EYS: variants seen among roughly 807,000 people sequenced by gnomAD.
EYS encodes the protein protein eyes shut homolog.
In EYS, 250 loss-of-function variants were observed where a neutral mutation model predicts 282.1. The ratio of observed to expected loss-of-function variants is 0.89; its 90% CI spans 0.80 to 0.98. EYS has a LOEUF of 0.98. Ranked by LOEUF, EYS falls within the 50% of genes least tolerant of loss-of-function variation. EYS has a pLI of 0.00. For synonymous variants in EYS, 1,355 were observed against 1,282.9 expected (o/e 1.06, Z -1.20); for missense variants, 4,016 against 3,709.0 (o/e 1.08, Z -2.15).
chr6:63,970,427 T>A (rs774154592), intron 35 of EYS, among the ~76,000 whole-genome samples: 6 of 152,030 alleles, frequency 3.9e-5, no homozygotes, highest in Non-Finnish European at 8.8e-5. Flanking sequence ...CTAGGTCAGG[T>A]GATCGAGACC....
intron 28 of EYS, among the ~76,000 whole-genome samples, chr6:64,395,151 T>C (rs1307288735): frequency 6.6e-6 from 1 of 151,972 alleles, no homozygotes; most frequent in Non-Finnish European, 1.5e-5. Flanking sequence ...GGAGAGGATG[T>C]AGAGAAATAG....
At chr6:63,937,971 T>A (rs1192760913) in intron 35 of EYS, among the ~76,000 whole-genome samples, 2 of 152,224 alleles carry the variant, frequency 1.3e-5, no homozygotes, top group Non-Finnish European at 2.9e-5. Context: ...GTGCACTGAC[T>A]AGCTGATAAA....
intron 26 of EYS, among the ~76,000 whole-genome samples, chr6:64,540,221 T>G (rs538076896): frequency 1.3e-5 from 2 of 152,318 alleles, no homozygotes; most frequent in Non-Finnish European, 2.9e-5. Context: ...AGATTCCAGC[T>G]TCTGTCTTAC....
intron 40 of EYS, among the ~76,000 whole-genome samples, chr6:63,776,181 AG>A (rs1190462692): frequency 6.6e-6 from 1 of 152,162 alleles, no homozygotes; most frequent in African/African-American, 2.4e-5. Flanking sequence ...TTATAAAGAA[AG>A]GTATTTTCAA....
chr6:63,875,751 A>G (rs1772951441), intron 35 of EYS, among the ~76,000 whole-genome samples: 2 of 152,082 alleles, frequency 1.3e-5, no homozygotes, highest in Non-Finnish European at 2.9e-5. Context: ...TTTCTAGTTT[A>G]TTTGCATAGA....
intron 33 of EYS, among the ~76,000 whole-genome samples, chr6:64,031,634 G>A (rs1013544531): frequency 1.3e-5 from 2 of 152,174 alleles, no homozygotes; most frequent in Non-Finnish European, 2.9e-5. Context: ...CTAAGGGATT[G>A]TAAATGCACC....
At chr6:63,761,538 A>G (rs1305807775) in intron 41 of EYS, among the ~76,000 whole-genome samples, 1 of 152,092 alleles carries the variant, frequency 6.6e-6, no homozygotes, top group Admixed American at 6.6e-5. Flanking sequence ...TGATAAAGTG[A>G]TCTAGAAATA....
chr6:64,097,212 A>T (rs919236562), intron 31 of EYS, among the ~76,000 whole-genome samples: 2 of 152,134 alleles, frequency 1.3e-5, no homozygotes, highest in Non-Finnish European at 2.9e-5. Flanking sequence ...GACCCACTTG[A>T]GGAGGCAGTC....
intron 22 of EYS, among the ~76,000 whole-genome samples, chr6:64,732,606 G>A (rs1309029598): frequency 6.6e-6 from 1 of 152,088 alleles, no homozygotes; most frequent in East Asian, 1.9e-4. Flanking sequence ...TATACCTAGT[G>A]GCGTATAGTA....
intron 8 of EYS, among the ~76,000 whole-genome samples, chr6:65,356,342 G>A (rs1287600569): frequency 1.2e-4 from 18 of 152,034 alleles, no homozygotes; most frequent in African/African-American, 3.9e-4. Flanking sequence ...TCAAGGATAC[G>A]AATCCCTGTT....
chr6:65,192,256 G>A (rs1358317972), intron 12 of EYS, among the ~76,000 whole-genome samples: 5 of 148,244 alleles, frequency 3.4e-5, no homozygotes, highest in East Asian at 2.0e-4. Context: ...GATAGGGCAC[G>A]TTAACAACTA....
At chr6:64,866,650 T>C (rs1389413424) in intron 19 of EYS, among the ~76,000 whole-genome samples, 2 of 71,392 alleles carry the variant, frequency 2.8e-5, no homozygotes, top group African/African-American at 8.0e-5. Context: ...AGTTCTACCA[T>C]TGAATTGTTA....
intron 37 of EYS, among the ~76,000 whole-genome samples, chr6:63,799,345 T>C (rs1004104311): frequency 6.6e-6 from 1 of 152,088 alleles, no homozygotes; most frequent in African/African-American, 2.4e-5. Flanking sequence ...TATTATATAA[T>C]TTTAATACAA....
At chr6:65,615,877 T>C (rs192672506) in intron 2 of EYS, among the ~76,000 whole-genome samples, 316 of 150,360 alleles carry the variant, frequency 2.1e-3, no homozygotes, top group African/African-American at 7.3e-3. Context: ...GAGCATGCAG[T>C]GAGCTGAGAT....
At chr6:64,377,833 G>A (rs1295709349) in intron 29 of EYS, 1 of 152,062 alleles carries the variant, frequency 6.6e-6, no homozygotes, top group African/African-American at 2.4e-5. Flanking sequence ...GAGCTATGCT[G>A]ACTGGGTTCA....
At chr6:65,010,744 T>C (rs1262736704) in intron 13 of EYS, among the ~76,000 whole-genome samples, 1 of 152,124 alleles carries the variant, frequency 6.6e-6, no homozygotes, top group African/African-American at 2.4e-5. Context: ...AAAGGGTAAA[T>C]ATATACACAG....
chr6:64,025,511 C>T (rs1769454495), intron 33 of EYS, among the ~76,000 whole-genome samples: 1 of 152,166 alleles, frequency 6.6e-6, no homozygotes, highest in South Asian at 2.1e-4. Context: ...CTAAAAATTG[C>T]TACCTGTCTC....
intron 31 of EYS, among the ~76,000 whole-genome samples, chr6:64,086,205 G>C (rs1043436464): frequency 1.3e-5 from 2 of 151,954 alleles, no homozygotes; most frequent in African/African-American, 4.8e-5. Context: ...TTATCTACTC[G>C]TCTCTTCCCA....
chr6:65,452,328 AT>A (rs71850095), intron 5 of EYS, among the ~76,000 whole-genome samples: 28,915 of 149,028 alleles, frequency 0.19, 3,457 homozygotes, highest in Middle Eastern at 0.31. Flanking sequence ...ACATGGAAAG[AT>A]TTTTTTTTTT....
Sources: gnomAD v4.1 joint callset for allele counts (sites outside exome capture counted in the v4.1 genomes callset) on GRCh38, gnomAD v4.1.1 for gene constraint, MANE v1.5 for transcripts, NCBI Gene and HGNC (gene_info 2026-07-23, HGNC 2026-07-21) for gene names.